The following SEC14L1 variants were observed in gnomAD, a reference collection of about 807,000 sequenced individuals.
SEC14L1 encodes SEC14 like lipid binding 1.
Under a neutral mutation model 85.3 loss-of-function variants are expected in SEC14L1, and 48 were observed. That is an observed-to-expected ratio of 0.56 (90% CI 0.45 to 0.72). SEC14L1 has a LOEUF of 0.72. Among genes scored for constraint, SEC14L1 ranks in the 30% least tolerant of loss-of-function variants. The probability of loss-of-function intolerance (pLI) is 0.00; values close to 1 mark genes in which losing one functional copy is unlikely to be tolerated. For missense variants in SEC14L1, 682 were observed against 921.4 expected, an observed-to-expected ratio of 0.74 and a Z score of 3.36; for synonymous variants, 391 against 355.5, an observed-to-expected ratio of 1.10 and a Z score of -1.12.
Position 77,216,592 on chromosome 17 carries a change from CA to C in SEC14L1, c.*2570del. ...GCTGCCAAGAAAATGCTTCACTCAA[CA>C]GTCCTCATGTGCCCAGAGATGTTTA... On this transcript the variant is annotated 3_prime_UTR_variant, in exon 17 of 17. Coordinates refer to ENST00000436233, the MANE Select transcript of SEC14L1 (RefSeq NM_001143998.2). The C allele has an allele frequency of 6.2e-7, 1 of 1,613,354 alleles. No homozygotes were observed. Among genetic ancestry groups the C allele is most frequent in the Non-Finnish European group, 8.5e-7 (1 of 1,179,480 alleles).
intron 8 of SEC14L1, among the ~76,000 whole-genome samples, chr17:77,197,392 C>T (rs148459805): frequency 2.9e-4 from 44 of 152,276 alleles, no homozygotes; most frequent in African/African-American, 1.0e-3. Context: ...AAGATTCCTG[C>T]GTGTTAGTCA....
chr17:77,192,659 C>T (rs1228127888), intron 5 of SEC14L1, among the ~76,000 whole-genome samples: 1 of 151,290 alleles, frequency 6.6e-6, no homozygotes, highest in Non-Finnish European at 1.5e-5. Flanking sequence ...CCCCAACCCC[C>T]AGGCTTTTTT....
intron 3 of SEC14L1, among the ~76,000 whole-genome samples, chr17:77,162,810 A>G (rs1197505883): frequency 7.2e-6 from 1 of 139,852 alleles, no homozygotes; most frequent in Non-Finnish European, 1.6e-5. Context: ...AGCCAGGGCA[A>G]CAAGAGCGAA....
At chr17:77,138,370 C>T (rs1421860847), upstream of SEC14L1, among the ~76,000 whole-genome samples, 1 of 152,110 alleles carries the variant, frequency 6.6e-6, no homozygotes, top group Non-Finnish European at 1.5e-5. Context: ...TCCTGTAATA[C>T]CACCACTCTG....
chr17:77,182,746 CT>C (rs1328820577), intron 3 of SEC14L1, among the ~76,000 whole-genome samples: 1 of 152,110 alleles, frequency 6.6e-6, no homozygotes, highest in Non-Finnish European at 1.5e-5. Context: ...TGATTTGAAC[CT>C]GGGAGAGTTG....
upstream of SEC14L1, among the ~76,000 whole-genome samples, chr17:77,136,840 G>A (rs1017895011): frequency 6.6e-5 from 10 of 151,970 alleles, no homozygotes; most frequent in African/African-American, 1.9e-4. Context: ...AAATACTTGA[G>A]ACTGGGTAAT....
intron 8 of SEC14L1, among the ~76,000 whole-genome samples, chr17:77,198,437 C>T (rs920824669): frequency 2.6e-5 from 4 of 152,322 alleles, no homozygotes; most frequent in African/African-American, 4.8e-5. Context: ...AGCAGTGTAG[C>T]GTTACTGAAT....
intron 3 of SEC14L1, among the ~76,000 whole-genome samples, chr17:77,161,497 C>A (rs1974049608): frequency 1.3e-5 from 2 of 149,958 alleles, no homozygotes; most frequent in Non-Finnish European, 3.0e-5. Context: ...TACTCTATCT[C>A]AAAAAAAAAG....
At chr17:77,175,873 C>T (rs933409962) in intron 3 of SEC14L1, among the ~76,000 whole-genome samples, 18 of 152,128 alleles carry the variant, frequency 1.2e-4, no homozygotes, top group African/African-American at 3.4e-4. Flanking sequence ...TTCCGGCCTC[C>T]GTGTAGCTGA....
At chr17:77,182,603 G>A (rs1975086699) in intron 3 of SEC14L1, among the ~76,000 whole-genome samples, 1 of 152,108 alleles carries the variant, frequency 6.6e-6, no homozygotes, top group Admixed American at 6.5e-5. Flanking sequence ...CCCTCTCTGA[G>A]GAACTTACTT....
chr17:77,109,278 T>C (rs1971995499), intron 3 of SEC14L1, among the ~76,000 whole-genome samples: 1 of 151,012 alleles, frequency 6.6e-6, no homozygotes, highest in South Asian at 2.1e-4. Flanking sequence ...TACATCTCTT[T>C]TTTCTTATAG....
rs539672360 is a variant in SEC14L1, at chr17:77,169,675, A to G, written c.64-21128A>G. ...GAAAGAACAGCTGTTTGATTGGAAG[A>G]GGGTTTAGAAGGAGAAGAAGGTGAA... is the stretch of plus-strand genomic sequence containing the variant. On this transcript the variant is annotated intron_variant, in intron 3 of 16. Coordinates refer to ENST00000436233, the MANE Select transcript of SEC14L1 (RefSeq NM_001143998.2). 7.2e-5 allele frequency among the ~76,000 whole-genome samples: 11 copies of G among 152,272 alleles called. No individual in the cohort carries two copies. The South Asian group carries it at 2.1e-3, about 29-fold the overall frequency.
upstream of SEC14L1, among the ~76,000 whole-genome samples, chr17:77,139,559 G>A (rs1598281784): frequency 6.7e-6 from 1 of 148,386 alleles, no homozygotes. Flanking sequence ...GTGCAGTGGC[G>A]CGATCTCGGC....
At chr17:77,165,450 G>A (rs1357347571) in intron 3 of SEC14L1, among the ~76,000 whole-genome samples, 1 of 152,138 alleles carries the variant, frequency 6.6e-6, no homozygotes, top group Non-Finnish European at 1.5e-5. Flanking sequence ...GAAGCAGGGA[G>A]GGGGTCTCCA....
intron 3 of SEC14L1, among the ~76,000 whole-genome samples, chr17:77,122,357 A>G (rs1972323254): frequency 6.7e-6 from 1 of 150,280 alleles, no homozygotes; most frequent in African/African-American, 2.5e-5. Context: ...GGCTCAGTGC[A>G]GTGGCACAAT....
chr17:77,104,296 G>A (rs1475892624), intron 3 of SEC14L1, among the ~76,000 whole-genome samples: 1 of 149,774 alleles, frequency 6.7e-6, no homozygotes, highest in African/African-American at 2.4e-5. Context: ...GCTAATTTTT[G>A]TATTTTTAGT....
intron 2 of SEC14L1, chr17:77,093,231 C>G (rs1169037559): frequency 6.6e-6 from 1 of 152,192 alleles, no homozygotes; most frequent in Non-Finnish European, 1.5e-5. Context: ...GATGCATATA[C>G]TTTTCTTTGC....
intron 3 of SEC14L1, among the ~76,000 whole-genome samples, chr17:77,151,662 A>G (rs1973561816): frequency 6.6e-6 from 1 of 152,194 alleles, no homozygotes; most frequent in African/African-American, 2.4e-5. Context: ...GGTAGAGAGA[A>G]TCATATAATA....
chr17:77,200,099 G>A (rs1976050246), intron 8 of SEC14L1, among the ~76,000 whole-genome samples: 2 of 152,190 alleles, frequency 1.3e-5, no homozygotes, highest in African/African-American at 4.8e-5. Context: ...CCAGTAGTTG[G>A]GGGCTGCAGT....
Sources: gnomAD v4.1 joint callset for allele counts (sites outside exome capture counted in the v4.1 genomes callset) on GRCh38, gnomAD v4.1.1 for gene constraint, MANE v1.5 for transcripts, NCBI Gene and HGNC (gene_info 2026-07-23, HGNC 2026-07-21) for gene names.